Variants in NKIRAS1 observed in about 807,000 individuals in gnomAD.
NKIRAS1 encodes NF-kappa-B inhibitor-interacting Ras-like protein 1.
Under a neutral mutation model 19.8 loss-of-function variants are expected in NKIRAS1, and 16 were observed. The ratio of observed to expected loss-of-function variants is 0.81; its 90% CI spans 0.55 to 1.23. NKIRAS1 has a LOEUF of 1.23. Among genes scored for constraint, NKIRAS1 ranks in the 50% most tolerant of loss-of-function variants. The pLI, the probability that NKIRAS1 is intolerant of heterozygous loss-of-function variation, is 0.00. For synonymous variants in NKIRAS1, 88 were observed against 79.0 expected (o/e 1.11, Z -0.61); for missense variants, 184 against 220.0 (o/e 0.84, Z 1.04).
At chr3:23,935,853 G>T (rs964065706) in intron 1 of NKIRAS1, among the ~76,000 whole-genome samples, 3 of 152,094 alleles carry the variant, frequency 2.0e-5, no homozygotes, top group African/African-American at 7.2e-5. Flanking sequence ...GCCAAGGCAG[G>T]AGGATTGCTT....
At chr3:23,932,868 A>G (rs1183295398) in intron 1 of NKIRAS1, among the ~76,000 whole-genome samples, 9 of 152,114 alleles carry the variant, frequency 5.9e-5, no homozygotes, top group Admixed American at 5.9e-4. Context: ...GTTAACATTA[A>G]TAGAATCACT....
chr3:23,915,549 A>G (rs964026928), intron 1 of NKIRAS1, among the ~76,000 whole-genome samples: 3 of 152,206 alleles, frequency 2.0e-5, no homozygotes, highest in Non-Finnish European at 4.4e-5. Flanking sequence ...TTTAGCCTCA[A>G]AAGGAGCAAT....
At chr3:23,897,038 C>T (rs1047948006) in intron 4 of NKIRAS1, among the ~76,000 whole-genome samples, 4 of 151,892 alleles carry the variant, frequency 2.6e-5, no homozygotes, top group Non-Finnish European at 5.9e-5. Flanking sequence ...AAGACCTTGT[C>T]TTTGCAAAAA....
chr3:23,899,491 C>T (rs1267112129), intron 4 of NKIRAS1, among the ~76,000 whole-genome samples: 1 of 152,044 alleles, frequency 6.6e-6, no homozygotes, highest in African/African-American at 2.4e-5. Flanking sequence ...TACCATCTAG[C>T]CAGTACTGTT....
intron 1 of NKIRAS1, among the ~76,000 whole-genome samples, chr3:23,931,116 A>G (rs921858613): frequency 8.5e-5 from 13 of 152,190 alleles, no homozygotes; most frequent in African/African-American, 2.4e-4. Context: ...ATGCAGCCTG[A>G]TACAGTTGTG....
chr3:23,915,704 T>C (rs1485832584), intron 1 of NKIRAS1, among the ~76,000 whole-genome samples: 1 of 152,194 alleles, frequency 6.6e-6, no homozygotes, highest in Non-Finnish European at 1.5e-5. Context: ...GCCACACTGC[T>C]TCCCTGCTGT....
intron 3 of NKIRAS1, 84 bp downstream of exon 3, chr3:23,910,727 A>C: frequency 1.1e-6 from 1 of 942,684 alleles, no homozygotes. Flanking sequence ...ATGTACCATC[A>C]ACCACCTTTA....
intron 1 of NKIRAS1, among the ~76,000 whole-genome samples, chr3:23,932,105 T>G (rs1185808033): frequency 1.2e-4 from 19 of 152,270 alleles, no homozygotes; most frequent in Non-Finnish European, 1.5e-5. Flanking sequence ...TATATAATTA[T>G]GGAACTGAAA....
intron 1 of NKIRAS1, among the ~76,000 whole-genome samples, chr3:23,913,288 A>C (rs1703966378): frequency 6.6e-6 from 1 of 152,182 alleles, no homozygotes; most frequent in African/African-American, 2.4e-5. Flanking sequence ...AGCTCAAAAC[A>C]CTAGCTAAGA....
intron 1 of NKIRAS1, among the ~76,000 whole-genome samples, chr3:23,944,737 A>G (rs941833505): frequency 7.2e-5 from 11 of 151,894 alleles, no homozygotes; most frequent in African/African-American, 2.2e-4. Flanking sequence ...AGGTCTACTT[A>G]AGCTATGAGA....
intron 4 of NKIRAS1, among the ~76,000 whole-genome samples, chr3:23,894,013 G>A (rs1701719426): frequency 6.6e-6 from 1 of 152,102 alleles, no homozygotes; most frequent in Admixed American, 6.6e-5. Context: ...GGAGCTGTGG[G>A]AGTTCTGTAT....
chr3:23,942,378 T>C (rs1705517186), intron 1 of NKIRAS1, among the ~76,000 whole-genome samples: 1 of 152,166 alleles, frequency 6.6e-6, no homozygotes. Context: ...GGTGGTACAT[T>C]TGTTACCACT....
chr3:23,906,894 G>T (rs1301539084), intron 3 of NKIRAS1, among the ~76,000 whole-genome samples: 1 of 151,574 alleles, frequency 6.6e-6, no homozygotes, highest in Non-Finnish European at 1.5e-5. Flanking sequence ...GCAGGTTTTT[G>T]TTTTGTTTTG....
chr3:23,904,510 G>T (rs1031270141), intron 3 of NKIRAS1, among the ~76,000 whole-genome samples: 1 of 152,190 alleles, frequency 6.6e-6, no homozygotes, highest in Non-Finnish European at 1.5e-5. Context: ...TAGTCCTCAT[G>T]AAGGTGAAGG....
intron 1 of NKIRAS1, among the ~76,000 whole-genome samples, chr3:23,929,105 T>C (rs1357857371): frequency 6.6e-6 from 1 of 152,040 alleles, no homozygotes; most frequent in Non-Finnish European, 1.5e-5. Flanking sequence ...CTCATGCCTG[T>C]AATCCCAGCA....
At position 23,891,681 on chromosome 3, in the gene NKIRAS1, T is replaced by C. The variant is rs1701481516; in HGVS notation, c.*1414A>G. On this transcript the variant is annotated 3_prime_UTR_variant, in exon 5 of 5. Transcript: ENST00000425478. The stretch of plus-strand genomic sequence containing the variant: ...TCCTGACCCAGCAGTTCTGTTTCTG[T>C]ATGTCTCTTTCAGAGAAACTTATCT... The C allele has an allele frequency of 6.9e-6, 1 of 145,208 alleles. No homozygotes were observed. The highest frequency in any genetic ancestry group is 1.5e-5 in the Non-Finnish European group (1 of 67,310). The allele number at this position is 145,208 out of a possible 1,614,324, so 9.0% of individuals were successfully genotyped here.
intron 1 of NKIRAS1, among the ~76,000 whole-genome samples, chr3:23,925,810 T>C (rs1559514875): frequency 6.6e-6 from 1 of 152,212 alleles, no homozygotes; most frequent in Non-Finnish European, 1.5e-5. Context: ...GCTTCCTTGC[T>C]GTATACCCAC....
chr3:23,946,381 C>T, exon 1 of NKIRAS1: 1 of 842,572 alleles, frequency 1.2e-6, no homozygotes, highest in Non-Finnish European at 1.4e-6. Flanking sequence ...GGAGGAGGCG[C>T]CTCGGGGAAG....
At position 23,890,639 on chromosome 3, in the gene NKIRAS1, T is replaced by TGTCA; in HGVS notation, c.*2452_*2455dup. 2 of 1,603,052 alleles carry TGTCA rather than the reference T, an allele frequency of 1.2e-6. No individual in the cohort carries two copies. The highest frequency in any genetic ancestry group is 8.5e-7 in the Non-Finnish European group (1 of 1,172,376). On this transcript the variant is annotated 3_prime_UTR_variant, in exon 5 of 5. Coordinates refer to ENST00000425478, the MANE Select transcript of NKIRAS1 (RefSeq NM_020345.4). The stretch of plus-strand genomic sequence containing the variant: ...TTTCACAATTCTTACATTATTTGTC[T>TGTCA]GTCACAGAAGAGAGCTGCTTATGAT...
Sources: allele counts gnomAD v4.1 joint callset (sites outside exome capture counted in the v4.1 genomes callset), GRCh38; gene constraint gnomAD v4.1.1; transcripts MANE v1.5; gene names NCBI Gene and HGNC (gene_info 2026-07-23, HGNC 2026-07-21).